MAMLD1: variants seen among roughly 807,000 people sequenced by gnomAD.
MAMLD1 encodes the protein mastermind like domain containing 1, also known as mastermind-like domain-containing protein 1.
A neutral mutation model predicts 45.0 loss-of-function variants in MAMLD1; 14 were observed. That is an observed-to-expected ratio of 0.31 (90% CI 0.21 to 0.49). The LOEUF is 0.49. Ranked by LOEUF, MAMLD1 falls within the 20% of genes least tolerant of loss-of-function variation. MAMLD1 has a pLI of 0.99. For missense variants in MAMLD1, 543 were observed against 603.6 expected, an observed-to-expected ratio of 0.90 and a Z score of 1.05; for synonymous variants, 254 against 247.8, an observed-to-expected ratio of 1.02 and a Z score of -0.24.
chrX:150,469,557 G>A (rs782609646), intron 3 of MAMLD1, among the ~76,000 whole-genome samples, 188 bp from the exon 4 acceptor site: 1 of 110,576 alleles, frequency 9.0e-6, no homozygotes, highest in South Asian at 3.9e-4. Context: ...GTTTTATCAT[G>A]CACATTTCCT....
intron 1 of MAMLD1, among the ~76,000 whole-genome samples, chrX:150,375,153 C>A (rs182876296): frequency 1.8e-5 from 2 of 111,343 alleles, no homozygotes; most frequent in East Asian, 5.7e-4. Flanking sequence ...GCCACGAGGG[C>A]TCATATATCA....
At chrX:150,481,997 A>AAAGAAAGAAAG (rs1557407311) in intron 5 of MAMLD1, among the ~76,000 whole-genome samples, 2 of 106,170 alleles carry the variant, frequency 1.9e-5, no homozygotes, top group African/African-American at 3.5e-5. Context: ...AGAAAGAAAG[A>AAAGAAAGAAAG]AAGAAAGAAA....
intron 2 of MAMLD1, among the ~76,000 whole-genome samples, chrX:150,446,861 C>A (rs2035505020): frequency 8.9e-6 from 1 of 112,850 alleles, no homozygotes; most frequent in African/African-American, 3.2e-5. Context: ...CTCCCAGAGT[C>A]CGTGATCAGT....
intron 5 of MAMLD1, among the ~76,000 whole-genome samples, chrX:150,477,550 C>A (rs2036617918): frequency 9.0e-6 from 1 of 111,588 alleles, no homozygotes; most frequent in African/African-American, 3.3e-5. Context: ...GCAGCCAAGG[C>A]AGCAGACACA....
intron 3 of MAMLD1, among the ~76,000 whole-genome samples, chrX:150,466,780 C>T (rs1177970581): frequency 4.5e-5 from 5 of 111,699 alleles, no homozygotes; most frequent in African/African-American, 9.8e-5. Context: ...GCCTCCTTCC[C>T]TTTGCCAGTG....
intron 2 of MAMLD1, among the ~76,000 whole-genome samples, chrX:150,452,582 T>A (rs1188876374): frequency 4.1e-5 from 4 of 96,634 alleles, no homozygotes; most frequent in African/African-American, 1.6e-4. Flanking sequence ...GAGGGGATGA[T>A]GTTTCTCTCC....
At position 150,513,664 on chromosome X, in the gene MAMLD1, GT is replaced by G; in HGVS notation, c.*1707del. ...GCTTTACAGCAGAAGCCGTTTTATC[GT>G]TAAGTGCCCCACAGAGACACTTTAC... On this transcript the variant is annotated 3_prime_UTR_variant, in exon 8 of 8. Transcript: ENST00000370401. 3.4e-6 allele frequency: 1 copy of G among 297,656 alleles called. No individual in the cohort carries two copies. The allele number at this position is 297,656 out of a possible 1,213,427, so 24.5% of individuals were successfully genotyped here.
intron 6 of MAMLD1, 80 bp downstream of exon 6, chrX:150,503,597 C>A: frequency 4.9e-6 from 3 of 617,978 alleles, no homozygotes; most frequent in South Asian, 4.8e-5. Flanking sequence ...CCGCCTGCCT[C>A]ACAGGGTTGT....
chrX:150,417,374 G>A (rs1350004729), intron 1 of MAMLD1, among the ~76,000 whole-genome samples: 1 of 104,957 alleles, frequency 9.5e-6, no homozygotes, highest in Non-Finnish European at 2.0e-5. Context: ...ATTCCATGGT[G>A]TATATGTGCC....
intron 1 of MAMLD1, among the ~76,000 whole-genome samples, chrX:150,369,922 T>C (rs1474939316): frequency 9.2e-6 from 1 of 109,205 alleles, no homozygotes; most frequent in Non-Finnish European, 1.9e-5. Context: ...CTACTTGATG[T>C]TAATATTGAT....
chrX:150,474,459 T>C (rs185557798), intron 5 of MAMLD1, among the ~76,000 whole-genome samples: 4 of 112,485 alleles, frequency 3.6e-5, no homozygotes, highest in Non-Finnish European at 5.6e-5. Flanking sequence ...ATAAAGTATG[T>C]GCTGACAAGG....
chrX:150,498,331 C>G (rs1333434961), intron 5 of MAMLD1, among the ~76,000 whole-genome samples: 2 of 111,735 alleles, frequency 1.8e-5, no homozygotes, highest in African/African-American at 6.5e-5. Flanking sequence ...TCTATTAGTC[C>G]TCTTAACCTT....
chrX:150,415,682 G>A (rs2034230920), intron 1 of MAMLD1, among the ~76,000 whole-genome samples: 1 of 112,197 alleles, frequency 8.9e-6, no homozygotes, highest in Admixed American at 9.4e-5. Context: ...GTCGAGGAAT[G>A]GTAGTGGATG....
chrX:150,365,958 G>T (rs782539717), intron 1 of MAMLD1, among the ~76,000 whole-genome samples: 3 of 112,737 alleles, frequency 2.7e-5, no homozygotes, highest in Non-Finnish European at 3.8e-5. Context: ...CTTGCACTGA[G>T]GAATGTCAAA....
chrX:150,378,813 GTCTT>G (rs2032456557), intron 1 of MAMLD1, among the ~76,000 whole-genome samples: 1 of 111,522 alleles, frequency 9.0e-6, no homozygotes, highest in Non-Finnish European at 1.9e-5. Flanking sequence ...TAGTTCCTAT[GTCTT>G]TCTGACATGC....
intron 2 of MAMLD1, among the ~76,000 whole-genome samples, chrX:150,448,609 C>T (rs2035565173): frequency 8.9e-6 from 1 of 112,024 alleles, no homozygotes; most frequent in African/African-American, 3.3e-5. Context: ...AAGAGTTTGA[C>T]CTTTTGAACA....
chrX:150,398,271 A>G (rs905113065), intron 1 of MAMLD1, among the ~76,000 whole-genome samples: 1 of 47,495 alleles, frequency 2.1e-5, no homozygotes, highest in South Asian at 1.4e-3. Context: ...AAGAAGAAGA[A>G]GAAGAAGAAG....
chrX:150,381,047 T>C (rs782363591), intron 1 of MAMLD1, among the ~76,000 whole-genome samples: 38 of 110,625 alleles, frequency 3.4e-4, no homozygotes, highest in African/African-American at 1.2e-3. Flanking sequence ...AGCCCCATTT[T>C]ACAAATGTTC....
In MAMLD1 at chrX:150,470,283, A is replaced by G. The variant is rs1473009977; in HGVS notation, c.710A>G (p.Lys237Arg). The change falls in exon 4 of 8, where the codon AAG (lysine) becomes AGG (arginine). Residue 237 changes from lysine to arginine, a missense_variant. Transcript: ENST00000370401. ...MSHLESLASS[K>R]EFASSCSQVT... Reference sequence around the variant, plus strand: ...CACTTGGAGAGCCTGGCTTCCAGCAAGGAGTTTGCTTCTAGTTGCAGCCAA... The same window carrying G: ...CACTTGGAGAGCCTGGCTTCCAGCAGGGAGTTTGCTTCTAGTTGCAGCCAA... 5.8e-6 allele frequency: 7 copies of G among 1,209,565 alleles called. No homozygotes were observed. Among genetic ancestry groups the G allele is most frequent in the Non-Finnish European group, 7.8e-6 (7 of 893,854 alleles).
Sources: allele counts gnomAD v4.1 joint callset (sites outside exome capture counted in the v4.1 genomes callset), GRCh38; gene constraint gnomAD v4.1.1; transcripts MANE v1.5; gene names NCBI Gene and HGNC (gene_info 2026-07-23, HGNC 2026-07-21).